SRD5A2: variants seen among roughly 807,000 people sequenced by gnomAD.
The protein encoded by SRD5A2 is steroid 5 alpha-reductase 2, also known as 3-oxo-5-alpha-steroid 4-dehydrogenase 2.
Under a neutral mutation model 27.4 loss-of-function variants are expected in SRD5A2, and 30 were observed. That is an observed-to-expected ratio of 1.10 (90% CI 0.82 to 1.49). The LOEUF (loss-of-function observed/expected upper bound fraction) is 1.49, where lower values mean the gene tolerates loss of function less well. Ranked by LOEUF, SRD5A2 falls within the 40% of genes most tolerant of loss-of-function variation. The pLI, the probability that SRD5A2 is intolerant of heterozygous loss-of-function variation, is 0.00. For missense variants in SRD5A2, 348 were observed against 323.4 expected (o/e 1.08, Z -0.58); for synonymous variants, 141 against 133.6 (o/e 1.06, Z -0.38).
the SRD5A2 span, among the ~76,000 whole-genome samples, chr2:31,624,006 A>C: frequency 6.6e-6 from 1 of 152,146 alleles, no homozygotes; most frequent in African/African-American, 2.4e-5. Context: ...TTGGTTTGCC[A>C]GTATTTTATT....
At chr2:31,620,293 C>T in the SRD5A2 span, among the ~76,000 whole-genome samples, 407 of 152,154 alleles carry the variant, frequency 2.7e-3, 1 homozygote, top group Admixed American at 6.5e-3. Flanking sequence ...AGGATGCCCT[C>T]ACTCACCATT....
chr2:31,647,083 T>G, the SRD5A2 span, among the ~76,000 whole-genome samples: 1 of 150,462 alleles, frequency 6.6e-6, no homozygotes, highest in Non-Finnish European at 1.5e-5. Context: ...AGGTGGAGGT[T>G]GCAGTGAGCC....
At chr2:31,537,442 A>G (rs1452210535) in intron 1 of SRD5A2, among the ~76,000 whole-genome samples, 1 of 152,102 alleles carries the variant, frequency 6.6e-6, no homozygotes, top group East Asian at 1.9e-4. Flanking sequence ...CCCAAACCCA[A>G]GAATCAATTT....
chr2:31,571,217 G>A (rs1348434900), intron 1 of SRD5A2, among the ~76,000 whole-genome samples: 1 of 151,982 alleles, frequency 6.6e-6, no homozygotes, highest in East Asian at 1.9e-4. Flanking sequence ...AAACAATGCT[G>A]CATACCTACA....
intron 4 of SRD5A2, among the ~76,000 whole-genome samples, chr2:31,528,645 A>G (rs1002181380): frequency 2.8e-4 from 43 of 152,102 alleles, no homozygotes; most frequent in Non-Finnish European, 1.0e-4. Flanking sequence ...GTGGGCCTGT[A>G]GTCTCAGCCA....
chr2:31,607,979 G>C, the SRD5A2 span, among the ~76,000 whole-genome samples: 6 of 151,894 alleles, frequency 4.0e-5, no homozygotes, highest in Non-Finnish European at 8.8e-5. Context: ...TGAGAAGACA[G>C]CCATCTACAG....
chr2:31,631,344 C>T, the SRD5A2 span, among the ~76,000 whole-genome samples: 7 of 152,162 alleles, frequency 4.6e-5, no homozygotes, highest in South Asian at 2.1e-4. Flanking sequence ...ATAACTAATC[C>T]GATAAGCAGA....
upstream of SRD5A2, chr2:31,581,206 C>T (rs1667076614): frequency 2.4e-6 from 1 of 420,234 alleles, no homozygotes. Context: ...CAACTATTAG[C>T]GTCTGATGCG....
intron 1 of SRD5A2, among the ~76,000 whole-genome samples, chr2:31,534,885 T>C (rs778761348): frequency 1.3e-5 from 2 of 152,160 alleles, no homozygotes; most frequent in Non-Finnish European, 2.9e-5. Context: ...TTTACCTGGA[T>C]CATATGTGAG....
intron 1 of SRD5A2, among the ~76,000 whole-genome samples, chr2:31,557,117 C>A (rs1407592957): frequency 6.6e-6 from 1 of 152,214 alleles, no homozygotes; most frequent in East Asian, 1.9e-4. Context: ...TATCTGCTCT[C>A]TAGCATTTTC....
intron 1 of SRD5A2, among the ~76,000 whole-genome samples, chr2:31,557,168 C>T (rs942951476): frequency 2.0e-4 from 31 of 152,202 alleles, no homozygotes; most frequent in African/African-American, 7.2e-4. Flanking sequence ...GATTACACCC[C>T]TGGTTGCACA....
At chr2:31,659,236 G>C in the SRD5A2 span, among the ~76,000 whole-genome samples, 1 of 152,036 alleles carries the variant, frequency 6.6e-6, no homozygotes, top group Non-Finnish European at 1.5e-5. Flanking sequence ...TATTGAATAG[G>C]TAAAAACTGT....
intron 1 of SRD5A2, among the ~76,000 whole-genome samples, chr2:31,536,939 C>T (rs567751416): frequency 1.3e-5 from 2 of 152,256 alleles, no homozygotes; most frequent in African/African-American, 2.4e-5. Context: ...CTGATAAGTA[C>T]TCTGTAAATA....
At chr2:31,596,194 C>T in the SRD5A2 span, among the ~76,000 whole-genome samples, 11 of 151,948 alleles carry the variant, frequency 7.2e-5, no homozygotes, top group East Asian at 1.9e-4. Flanking sequence ...TTGAGACCAG[C>T]GTGACCAATA....
chr2:31,556,957 A>G (rs1190509770), intron 1 of SRD5A2, among the ~76,000 whole-genome samples: 1 of 152,190 alleles, frequency 6.6e-6, no homozygotes, highest in African/African-American at 2.4e-5. Flanking sequence ...TAACTCATTT[A>G]ATCTTTATAA....
chr2:31,539,646 C>T (rs1666092240), intron 1 of SRD5A2, among the ~76,000 whole-genome samples: 1 of 152,136 alleles, frequency 6.6e-6, no homozygotes, highest in African/African-American at 2.4e-5. Flanking sequence ...TCCACATCCT[C>T]CTGCTGGCCT....
upstream of SRD5A2, among the ~76,000 whole-genome samples, chr2:31,582,882 A>T: frequency 6.6e-6 from 1 of 150,668 alleles, no homozygotes; most frequent in East Asian, 1.9e-4. Flanking sequence ...ACCATACAGC[A>T]TTAGGAGAAC....
chr2:31,662,908 G>C, the SRD5A2 span, among the ~76,000 whole-genome samples: 1 of 152,034 alleles, frequency 6.6e-6, no homozygotes, highest in Non-Finnish European at 1.5e-5. Context: ...TGGAGTTTAC[G>C]TGTCACTCTG....
chr2:31,532,808 G>A lies in SRD5A2; in HGVS notation c.445+795C>T, dbSNP rs147756204. Among the ~76,000 whole-genome samples, 406 of 152,178 alleles carry A rather than the reference G, an allele frequency of 2.7e-3. 4 individuals carry two copies. The highest frequency in any genetic ancestry group is 9.4e-3 in the African/African-American group (391 of 41,506). ...GGGGCAGGGGATGGTAGGGGAGCGGGGAGGGAAGGGGGACAGCACACACAG... is the reference window on the plus strand; with the variant it reads ...GGGGCAGGGGATGGTAGGGGAGCGGAGAGGGAAGGGGGACAGCACACACAG... On this transcript the variant is annotated intron_variant, in intron 2 of 4. Transcript: ENST00000622030.
Sources: gnomAD v4.1 joint callset for allele counts (sites outside exome capture counted in the v4.1 genomes callset) on GRCh38, gnomAD v4.1.1 for gene constraint, MANE v1.5 for transcripts, NCBI Gene and HGNC (gene_info 2026-07-23, HGNC 2026-07-21) for gene names.